The following NPAT variants were observed in gnomAD, a reference collection of about 807,000 sequenced individuals.
The protein encoded by NPAT is nuclear protein, coactivator of histone transcription.
Under a neutral mutation model 130.7 loss-of-function variants are expected in NPAT, and 52 were observed. The observed-to-expected ratio is 0.40, with a 90% CI of 0.32 to 0.50. NPAT has a LOEUF of 0.50. Among genes scored for constraint, NPAT ranks in the 20% least tolerant of loss-of-function variants. NPAT has a pLI of 0.68. For missense variants in NPAT, 1,687 were observed against 1,662.6 expected, an observed-to-expected ratio of 1.01 and a Z score of -0.26; for synonymous variants, 580 against 584.8, an observed-to-expected ratio of 0.99 and a Z score of 0.12.
rs776328400 is a variant in NPAT at position 108,172,665 on chromosome 11, CAAG to C, written c.2316_2318del (p.Ile772_Leu773delinsMet). The C allele has an allele frequency of 2.6e-5, 42 of 1,613,880 alleles. No individual in the cohort carries two copies. In the South Asian group the frequency reaches 4.5e-4, roughly 17 times the overall value. On this transcript the variant is annotated inframe_deletion, in exon 13 of 18. Coordinates refer to ENST00000278612, the MANE Select transcript of NPAT (RefSeq NM_002519.3). The stretch of plus-strand genomic sequence containing the variant: ...TAGTAGGTGATTTAGTAGGAGAAGA[CAAG>C]ATTATAGTTGGCAGGTTTTCTCCAT...
chr11:108,190,521 G>C, intron 4 of NPAT, 21 bp from the exon 5 acceptor site: 2 of 1,610,712 alleles, frequency 1.2e-6, no homozygotes, highest in Non-Finnish European at 1.7e-6. Flanking sequence ...AAACAAAGTA[G>C]TTATCCATCA....
Position 108,197,400 on chromosome 11 carries a change from G to T in NPAT, c.58C>A (p.Leu20Ile). The stretch of plus-strand genomic sequence containing the variant: ...ATAAAAGTCTGGCAGGTAGAAATGA[G>T]GTTTTCTTGCTGTAAGTAACCTAAA... ...LVLGYLQQENLISTCQTFILE... is the reference protein window; with the variant it reads ...LVLGYLQQENIISTCQTFILE... Residue 20 changes from leucine (L) to isoleucine (I), a missense_variant, in exon 2 of 18, where the codon CTC (leucine) becomes ATC (isoleucine). By Grantham distance (5) the Leu-to-Ile change is conservative. Around this residue, in one of 3 missense-constraint regions of NPAT, gnomAD observed 307 missense variants for 298.9 expected, o/e 1.03. Transcript: ENST00000278612. The T allele has an allele frequency of 6.2e-7, 1 of 1,609,296 alleles. No individual in the cohort carries two copies. Among genetic ancestry groups the T allele is most frequent in the Non-Finnish European group, 8.5e-7 (1 of 1,175,752 alleles).
At chr11:108,194,949 G>A (rs1279740558) in intron 2 of NPAT, among the ~76,000 whole-genome samples, 2 of 151,932 alleles carry the variant, frequency 1.3e-5, no homozygotes, top group Non-Finnish European at 2.9e-5. Context: ...TCAGCCTCCC[G>A]AGTAGCTGGG....
Position 108,174,249 on chromosome 11 carries a change from C to A in NPAT, c.1133-398G>T, listed in dbSNP as rs142534957. On this transcript the variant is annotated intron_variant, in intron 12 of 17. Transcript: ENST00000278612. Reference sequence around the variant, plus strand: ...TCTCGGCCTCCCAAAGTGCTGGGATCACAGGCATGAGCCACCACACCCAAC... The same window carrying A: ...TCTCGGCCTCCCAAAGTGCTGGGATAACAGGCATGAGCCACCACACCCAAC... 4.6e-5 allele frequency among the ~76,000 whole-genome samples: 7 copies of A among 152,116 alleles called. No individual in the cohort carries two copies. In the East Asian group the frequency reaches 1.4e-3, roughly 29 times the overall value.
Position 108,173,162 on chromosome 11 carries a change from C to T in NPAT, c.1822G>A (p.Val608Met), listed in dbSNP as rs1171860726. The T allele has an allele frequency of 6.2e-7, 1 of 1,613,714 alleles. No individual in the cohort carries two copies. Among genetic ancestry groups the T allele is most frequent in the Admixed American group, 1.7e-5 (1 of 60,028 alleles). The change falls in exon 13 of 18, where the codon GTG becomes ATG. Residue 608 changes from valine (V) to methionine (M), a missense_variant. Physicochemically the swap from Val to Met is conservative, Grantham distance 21. Around this residue, in one of 3 missense-constraint regions of NPAT, gnomAD observed 1,379 missense variants for 1,346.6 expected, o/e 1.02. Coordinates refer to ENST00000278612, the MANE Select transcript of NPAT (RefSeq NM_002519.3). ...NSCLQSEILP[V>M]SVESSHLNVS... Reference sequence around the variant, plus strand: ...TTTAAATGTGAACTTTCAACAGACACAGGTAGTATTTCACTTTGAAGACAA... The same window carrying T: ...TTTAAATGTGAACTTTCAACAGACATAGGTAGTATTTCACTTTGAAGACAA...
Position 108,173,266 on chromosome 11 carries a change from C to T in NPAT, c.1718G>A (p.Ser573Asn). ...TTCTATTTTACTCTTGTGAACTTCA[C>T]TAGAATCTGATGACTTGGAACCATG... ...NFHGSKSSDS[S>N]EVHKSKIEIN... Residue 573 changes from serine (S) to asparagine (N), a missense_variant, in exon 13 of 18, where the codon AGT (serine) becomes AAT (asparagine). By Grantham distance (46) the Ser-to-Asn change is conservative. Around this residue, in one of 3 missense-constraint regions of NPAT, gnomAD observed 1,379 missense variants for 1,346.6 expected, o/e 1.02. Transcript: ENST00000278612. 1 of 1,611,318 alleles carries T rather than the reference C, an allele frequency of 6.2e-7. No homozygotes were observed. Among genetic ancestry groups the T allele is most frequent in the Non-Finnish European group, 8.5e-7 (1 of 1,177,982 alleles).
At chr11:108,163,971 G>C (rs1158733709) in intron 15 of NPAT, among the ~76,000 whole-genome samples, 2 of 152,172 alleles carry the variant, frequency 1.3e-5, no homozygotes, top group African/African-American at 4.8e-5. Context: ...AGGAAAAGTT[G>C]AAACATATAT....
intron 1 of NPAT, among the ~76,000 whole-genome samples, chr11:108,198,990 C>T (rs1204480784): frequency 1.3e-5 from 2 of 152,210 alleles, no homozygotes; most frequent in African/African-American, 2.4e-5. Context: ...GGGCAGCTAC[C>T]CAACAGGAAG....
At chr11:108,162,788 A>T (rs1234850903) in intron 15 of NPAT, among the ~76,000 whole-genome samples, 2 of 152,226 alleles carry the variant, frequency 1.3e-5, no homozygotes, top group African/African-American at 4.8e-5. Context: ...TCAATATAGC[A>T]CATAATGTAC....
intron 1 of NPAT, among the ~76,000 whole-genome samples, chr11:108,199,778 G>C (rs1338178741): frequency 6.6e-6 from 1 of 152,148 alleles, no homozygotes; most frequent in Non-Finnish European, 1.5e-5. Flanking sequence ...GCAACTGAAG[G>C]CATCTGGCTG....
At chr11:108,221,588 C>A (rs537025257) in intron 1 of NPAT, among the ~76,000 whole-genome samples, 6 of 152,292 alleles carry the variant, frequency 3.9e-5, no homozygotes, top group Admixed American at 3.3e-4. Flanking sequence ...AATGGGTTTT[C>A]CGAACAATAA....
intron 1 of NPAT, among the ~76,000 whole-genome samples, chr11:108,216,063 T>G (rs1301091885): frequency 6.6e-6 from 1 of 152,202 alleles, no homozygotes; most frequent in Non-Finnish European, 1.5e-5. Context: ...TAGCTGTTAC[T>G]AGCTTTTTGT....
chr11:108,188,993 C>G, intron 6 of NPAT, 113 bp downstream of exon 6: 2 of 851,782 alleles, frequency 2.3e-6, no homozygotes, highest in Non-Finnish European at 3.9e-6. Flanking sequence ...TCTCTCTCAT[C>G]TTTTATGGGG....
chr11:108,217,684 T>C (rs1237676961), intron 1 of NPAT, among the ~76,000 whole-genome samples: 1 of 152,124 alleles, frequency 6.6e-6, no homozygotes, highest in Non-Finnish European at 1.5e-5. Flanking sequence ...GTTAGATGAA[T>C]GAAAATCCAA....
intron 10 of NPAT, among the ~76,000 whole-genome samples, chr11:108,183,716 C>T (rs940045633): frequency 9.9e-5 from 15 of 152,124 alleles, no homozygotes; most frequent in Admixed American, 3.3e-4. Flanking sequence ...GCAGGAGAAT[C>T]GTTTGAACTC....
intron 1 of NPAT, among the ~76,000 whole-genome samples, chr11:108,201,216 CT>C (rs2078272910): frequency 6.6e-6 from 1 of 152,186 alleles, no homozygotes. Flanking sequence ...GACCAGGGAA[CT>C]AGGTGAAGAA....
intron 10 of NPAT, among the ~76,000 whole-genome samples, chr11:108,179,787 A>T (rs2078042638): frequency 6.6e-6 from 1 of 152,036 alleles, no homozygotes; most frequent in African/African-American, 2.4e-5. Context: ...CACCTCTATA[A>T]ATAGAAATAA....
chr11:108,164,708 T>A (rs980167997), intron 15 of NPAT, among the ~76,000 whole-genome samples: 3 of 151,976 alleles, frequency 2.0e-5, no homozygotes, highest in African/African-American at 7.2e-5. Context: ...TAAAAATAAG[T>A]CTTAGTAGTG....
intron 12 of NPAT, among the ~76,000 whole-genome samples, chr11:108,174,975 A>G (rs2077990716): frequency 6.6e-6 from 1 of 152,206 alleles, no homozygotes; most frequent in African/African-American, 2.4e-5. Flanking sequence ...GACAGAAAAC[A>G]TTAACTTGAA....
Sources: gnomAD v4.1 joint callset for allele counts (sites outside exome capture counted in the v4.1 genomes callset) on GRCh38, gnomAD v4.1.1 for gene constraint, gnomAD v4.1.1 regional missense constraint, MANE v1.5 for transcripts, NCBI Gene and HGNC (gene_info 2026-07-23, HGNC 2026-07-21) for gene names.